The following CREB5 variants were observed in gnomAD, a reference collection of about 807,000 sequenced individuals.
The protein encoded by CREB5 is cyclic AMP-responsive element-binding protein 5.
In CREB5, 19 loss-of-function variants were observed where a neutral mutation model predicts 57.1. That is an observed-to-expected ratio of 0.33 (90% CI 0.23 to 0.49). The LOEUF (loss-of-function observed/expected upper bound fraction) is 0.49, where lower values mean the gene tolerates loss of function less well. Ranked by LOEUF, CREB5 falls within the 20% of genes least tolerant of loss-of-function variation. CREB5 has a pLI of 0.99. For synonymous variants in CREB5, 238 were observed against 238.3 expected (o/e 1.00, Z 0.01); for missense variants, 579 against 671.6 (o/e 0.86, Z 1.52).
chr7:28,589,879 GA>G (rs1250547101), intron 5 of CREB5, among the ~76,000 whole-genome samples: 1 of 152,174 alleles, frequency 6.6e-6, no homozygotes, highest in Admixed American at 6.5e-5. Context: ...CACTCTTGCA[GA>G]TAAACTATGT....
Position 28,823,136 on chromosome 7 carries a change from A to G in CREB5, c.*3857A>G, listed in dbSNP as rs922845673. The G allele has an allele frequency of 2.0e-5, 3 of 152,646 alleles. No individual in the cohort carries two copies. Among genetic ancestry groups the G allele is most frequent in the African/African-American group, 7.2e-5 (3 of 41,464 alleles). The allele number at this position is 152,646 out of a possible 1,614,324, so 9.5% of individuals were successfully genotyped here. On this transcript the variant is annotated 3_prime_UTR_variant, in exon 11 of 11. Coordinates refer to ENST00000357727, the MANE Select transcript of CREB5 (RefSeq NM_182898.4). ...AAAATCATAAACCAGCTGCGGTAAC[A>G]GACAAGCCTTTGGCTGGGGAGTTTT...
intron 1 of CREB5, among the ~76,000 whole-genome samples, chr7:28,449,493 T>A (rs189179283): frequency 1.3e-5 from 2 of 152,244 alleles, no homozygotes; most frequent in Non-Finnish European, 2.9e-5. Flanking sequence ...AGGATCCTTT[T>A]CTTGCCCTCC....
intron 1 of CREB5, among the ~76,000 whole-genome samples, chr7:28,381,120 C>T (rs1786958685): frequency 6.6e-6 from 1 of 152,186 alleles, no homozygotes; most frequent in African/African-American, 2.4e-5. Context: ...TCTTTACCCT[C>T]CCGAAACTCA....
At chr7:28,526,612 A>G (rs557497670) in intron 4 of CREB5, among the ~76,000 whole-genome samples, 1 of 152,294 alleles carries the variant, frequency 6.6e-6, no homozygotes, top group Admixed American at 6.5e-5. Flanking sequence ...AGAAAAATAA[A>G]TCCTTGCTTT....
At chr7:28,691,530 A>G (rs1323419580) in intron 5 of CREB5, among the ~76,000 whole-genome samples, 1 of 151,726 alleles carries the variant, frequency 6.6e-6, no homozygotes, top group African/African-American at 2.4e-5. Context: ...TCTCACATAT[A>G]TTTTCTAGTG....
chr7:28,735,380 T>C (rs1803913772), intron 7 of CREB5, among the ~76,000 whole-genome samples: 2 of 152,330 alleles, frequency 1.3e-5, no homozygotes. Flanking sequence ...TCATTCACAA[T>C]GTTCTGAGGT....
chr7:28,492,166 A>T (rs1216817165), intron 2 of CREB5, among the ~76,000 whole-genome samples: 1 of 152,106 alleles, frequency 6.6e-6, no homozygotes, highest in Non-Finnish European at 1.5e-5. Flanking sequence ...CGCCTGGCTA[A>T]TTTATTTATT....
chr7:28,485,209 T>C (rs1030382720), intron 1 of CREB5, among the ~76,000 whole-genome samples: 2 of 152,178 alleles, frequency 1.3e-5, no homozygotes, highest in Admixed American at 1.3e-4. Flanking sequence ...CTTTAAACTT[T>C]CAGCAGTAGC....
chr7:28,402,368 A>G (rs977913751), intron 1 of CREB5, among the ~76,000 whole-genome samples: 3 of 152,202 alleles, frequency 2.0e-5, no homozygotes, highest in African/African-American at 7.2e-5. Flanking sequence ...TGCCAAGACA[A>G]TCTTAAGCCA....
intron 1 of CREB5, among the ~76,000 whole-genome samples, chr7:28,360,131 A>G: frequency 6.6e-6 from 1 of 152,232 alleles, no homozygotes; most frequent in Admixed American, 6.5e-5. Context: ...GGGAATGGAA[A>G]TGGGTACAAC....
At chr7:28,781,105 T>C (rs1431119292) in intron 7 of CREB5, among the ~76,000 whole-genome samples, 1 of 152,196 alleles carries the variant, frequency 6.6e-6, no homozygotes, top group African/African-American at 2.4e-5. Flanking sequence ...TGTTGTGACA[T>C]ATATTAGAGC....
intron 1 of CREB5, among the ~76,000 whole-genome samples, chr7:28,395,477 G>A (rs931978600): frequency 2.0e-5 from 3 of 152,168 alleles, no homozygotes; most frequent in Admixed American, 1.3e-4. Context: ...TTTCCTTCAC[G>A]ATACAGCCTT....
chr7:28,363,503 C>G (rs1295012864), intron 1 of CREB5, among the ~76,000 whole-genome samples: 1 of 152,032 alleles, frequency 6.6e-6, no homozygotes, highest in East Asian at 1.9e-4. Flanking sequence ...AGCCTCTCTT[C>G]CATGTAGTCT....
chr7:28,754,686 C>G (rs902014895), intron 7 of CREB5, among the ~76,000 whole-genome samples: 2 of 152,180 alleles, frequency 1.3e-5, no homozygotes, highest in South Asian at 2.1e-4. Flanking sequence ...CCAGCCAACA[C>G]GATCCTCATT....
intron 5 of CREB5, among the ~76,000 whole-genome samples, chr7:28,594,796 C>T (rs1057269738): frequency 1.3e-5 from 2 of 152,128 alleles, no homozygotes; most frequent in Admixed American, 6.5e-5. Context: ...AGAGACAGGG[C>T]CCTTCATACA....
At chr7:28,646,910 A>C (rs920811660) in intron 5 of CREB5, among the ~76,000 whole-genome samples, 1 of 152,088 alleles carries the variant, frequency 6.6e-6, no homozygotes, top group Non-Finnish European at 1.5e-5. Flanking sequence ...CACTCTTTGC[A>C]TCTGGGCTTA....
intron 7 of CREB5, among the ~76,000 whole-genome samples, chr7:28,741,901 A>G (rs13222605): frequency 1.3e-5 from 2 of 151,906 alleles, no homozygotes; most frequent in East Asian, 3.9e-4. Context: ...CCCTGTCTCT[A>G]CTAAAAATAC....
Position 28,477,689 on chromosome 7 carries a change from C to T in CREB5, c.4-10486C>T, listed in dbSNP as rs561897930. Among the ~76,000 whole-genome samples, 5 of 152,280 alleles carry T rather than the reference C, an allele frequency of 3.3e-5. No individual in the cohort carries two copies. The East Asian group carries it at 9.6e-4, about 29-fold the overall frequency. ...TGGGGTTCAAGGAAAAGGCCTTTTC[C>T]TTCCATGTGCTTTTTCCAGAGTGTT... On this transcript the variant is annotated intron_variant, in intron 1 of 10. Transcript: ENST00000357727.
chr7:28,584,225 C>T (rs948173637), intron 5 of CREB5, among the ~76,000 whole-genome samples: 39 of 152,224 alleles, frequency 2.6e-4, no homozygotes, highest in African/African-American at 4.8e-4. Flanking sequence ...ATCTCCCAGG[C>T]GAGGCCCTGT....
Sources: gnomAD v4.1 joint callset for allele counts (sites outside exome capture counted in the v4.1 genomes callset) on GRCh38, gnomAD v4.1.1 for gene constraint, MANE v1.5 for transcripts, NCBI Gene and HGNC (gene_info 2026-07-23, HGNC 2026-07-21) for gene names.